Variants in TENM1 observed in about 807,000 individuals in gnomAD.
The protein encoded by TENM1 is teneurin-1.
Under a neutral mutation model 174.8 loss-of-function variants are expected in TENM1, and 35 were observed. That is an observed-to-expected ratio of 0.20 (90% CI 0.15 to 0.27). TENM1 has a LOEUF of 0.27. Ranked by LOEUF, TENM1 falls within the 10% of genes least tolerant of loss-of-function variation. The pLI is 1.00. For missense variants in TENM1, 1,633 were observed against 2,130.1 expected (o/e 0.77, Z 4.59); for synonymous variants, 781 against 798.7 (o/e 0.98, Z 0.37).
chrX:124,613,545 G>C (rs1051049798), intron 11 of TENM1, among the ~76,000 whole-genome samples: 3 of 111,577 alleles, frequency 2.7e-5, no homozygotes, highest in African/African-American at 9.8e-5. Flanking sequence ...CTATCATATG[G>C]GTCAGGAGGT....
chrX:124,927,502 T>C (rs2058108419), intron 1 of TENM1, among the ~76,000 whole-genome samples: 1 of 112,023 alleles, frequency 8.9e-6, no homozygotes, highest in Non-Finnish European at 1.9e-5. Flanking sequence ...GAGCTTTCTA[T>C]CATCAGTGTA....
chrX:125,087,316 T>C, the TENM1 span, among the ~76,000 whole-genome samples: 1 of 111,309 alleles, frequency 9.0e-6, no homozygotes, highest in Admixed American at 9.6e-5. Context: ...ATATTTTATA[T>C]ACAAATTGTT....
At chrX:124,811,571 G>A (rs2055774737) in intron 3 of TENM1, among the ~76,000 whole-genome samples, 1 of 111,736 alleles carries the variant, frequency 8.9e-6, no homozygotes, top group East Asian at 2.8e-4. Context: ...TGGTGTGAAT[G>A]CAAATTAGTA....
At chrX:124,570,346 C>T (rs1471553959) in intron 11 of TENM1, among the ~76,000 whole-genome samples, 2 of 111,055 alleles carry the variant, frequency 1.8e-5, no homozygotes, top group East Asian at 5.6e-4. Context: ...AACAATATGC[C>T]TTATGAGGTC....
intron 5 of TENM1, among the ~76,000 whole-genome samples, chrX:124,694,783 A>T (rs1178478195): frequency 8.9e-6 from 1 of 111,824 alleles, no homozygotes; most frequent in African/African-American, 3.2e-5. Flanking sequence ...CATGATTTGT[A>T]ACTGTGGATA....
chrX:125,007,685 C>T, the TENM1 span, among the ~76,000 whole-genome samples: 1 of 111,856 alleles, frequency 8.9e-6, no homozygotes, highest in Non-Finnish European at 1.9e-5. Context: ...AACAGCAGAC[C>T]TCTCAGCAGA....
At chrX:124,561,204 G>A (rs768027302) in intron 14 of TENM1, among the ~76,000 whole-genome samples, 47 of 111,619 alleles carry the variant, frequency 4.2e-4, no homozygotes, top group Admixed American at 1.3e-3. Context: ...CTTGAATAGT[G>A]GTATGTTAAT....
rs186285655 is a variant in TENM1 at position 124,444,736 on chromosome X, C to A, written c.4104+8601G>T. On this transcript the variant is annotated intron_variant, in intron 23 of 31. Transcript: ENST00000422452. ...CCATTCTACCTCTGAGTACTCAGAG[C>A]ACATCTGGATTATTTTATTCATTCT... Among the ~76,000 whole-genome samples, 26 of 110,701 alleles carry A rather than the reference C, an allele frequency of 2.3e-4. No homozygotes were observed. In the East Asian group the frequency reaches 6.9e-3, roughly 29 times the overall value.
intron 11 of TENM1, among the ~76,000 whole-genome samples, chrX:124,620,210 T>C (rs1186474372): frequency 1.8e-5 from 2 of 111,961 alleles, no homozygotes; most frequent in African/African-American, 3.2e-5. Flanking sequence ...GCTTTTCAAG[T>C]ACTTGAAGAT....
intron 3 of TENM1, among the ~76,000 whole-genome samples, chrX:124,785,153 T>C (rs1005100093): frequency 9.0e-6 from 1 of 111,589 alleles, no homozygotes; most frequent in African/African-American, 3.2e-5. Flanking sequence ...TAAAATGTAA[T>C]GAATGAGATT....
the TENM1 span, among the ~76,000 whole-genome samples, chrX:125,162,446 A>G: frequency 2.8e-4 from 31 of 111,540 alleles, no homozygotes; most frequent in African/African-American, 9.7e-4. Flanking sequence ...AAGTTCACCA[A>G]TGTGCCAAAT....
At chrX:124,724,835 T>G (rs1030116030) in intron 4 of TENM1, among the ~76,000 whole-genome samples, 1 of 111,309 alleles carries the variant, frequency 9.0e-6, no homozygotes, top group African/African-American at 3.3e-5. Flanking sequence ...CCCCAATATG[T>G]TGATGTTAAA....
intron 21 of TENM1, 97 bp from the exon 25 acceptor site, chrX:124,482,061 T>C (rs1425703651): frequency 2.1e-6 from 1 of 486,283 alleles, no homozygotes; most frequent in Non-Finnish European, 3.6e-6. Flanking sequence ...TTTTGATAGA[T>C]GAGTGAATTC....
intron 1 of TENM1, among the ~76,000 whole-genome samples, chrX:124,949,941 C>T (rs182169913): frequency 9.0e-5 from 10 of 110,697 alleles, no homozygotes; most frequent in Non-Finnish European, 1.5e-4. Context: ...AGTCTTAGTG[C>T]TGTAGTAAAG....
chrX:124,952,978 A>C (rs1006211711), intron 1 of TENM1, among the ~76,000 whole-genome samples: 1 of 111,735 alleles, frequency 8.9e-6, no homozygotes, highest in Non-Finnish European at 1.9e-5. Context: ...CAAGGGATTC[A>C]AAGTTTATCT....
the TENM1 span, among the ~76,000 whole-genome samples, chrX:125,027,324 G>A: frequency 3.6e-5 from 4 of 111,644 alleles, no homozygotes; most frequent in Non-Finnish European, 7.5e-5. Flanking sequence ...CAGTATTAAC[G>A]AAGGCTGAAA....
intron 27 of TENM1, among the ~76,000 whole-genome samples, chrX:124,395,493 C>T (rs999871597): frequency 1.1e-4 from 12 of 110,366 alleles, no homozygotes; most frequent in Non-Finnish European, 2.1e-4. Flanking sequence ...TGGTTAGATG[C>T]TTAAATTATC....
chrX:124,656,358 A>C (rs1314094510), intron 6 of TENM1, among the ~76,000 whole-genome samples: 1 of 112,604 alleles, frequency 8.9e-6, no homozygotes, highest in Admixed American at 9.4e-5. Context: ...TCTGTTTATT[A>C]GCAAGTCTAT....
At chrX:124,986,960 G>C in the TENM1 span, among the ~76,000 whole-genome samples, 1 of 111,515 alleles carries the variant, frequency 9.0e-6, no homozygotes, top group East Asian at 2.8e-4. Context: ...GACTTCTTAA[G>C]ATGCTATATG....
Sources: allele counts gnomAD v4.1 joint callset (sites outside exome capture counted in the v4.1 genomes callset), GRCh38; gene constraint gnomAD v4.1.1; transcripts MANE v1.5; gene names NCBI Gene and HGNC (gene_info 2026-07-23, HGNC 2026-07-21).